STK32B: variants seen among roughly 807,000 people sequenced by gnomAD.
STK32B encodes the protein serine/threonine-protein kinase 32B.
A neutral mutation model predicts 52.6 loss-of-function variants in STK32B; 43 were observed. The observed-to-expected ratio is 0.82, with a 90% CI of 0.64 to 1.05. The LOEUF (loss-of-function observed/expected upper bound fraction) is 1.05, where lower values mean the gene tolerates loss of function less well. STK32B is among the 50% of genes least tolerant of loss of function. The pLI, the probability that STK32B is intolerant of heterozygous loss-of-function variation, is 0.00. For missense variants in STK32B, 621 were observed against 534.6 expected, an observed-to-expected ratio of 1.16 and a Z score of -1.59; for synonymous variants, 238 against 204.3, an observed-to-expected ratio of 1.17 and a Z score of -1.41.
At position 5,168,317 on chromosome 4, in the gene STK32B, C is replaced by A. The variant is rs749831897; in HGVS notation, c.127C>A (p.Arg43=). ...CGCTCAGGTATGCATCGTGCAGAAG[C>A]GAGACACTAAGAAAATGTATGCAAT... ...SFGKVCIVQK[R]DTKKMYAMKY... Residue 43 remains arginine (R), a synonymous_variant, in exon 3 of 12, where the codon CGA becomes AGA. Transcript: ENST00000282908. 1.4e-5 allele frequency: 22 copies of A among 1,613,572 alleles called. No homozygotes were observed. The highest frequency in any genetic ancestry group is 1.7e-5 in the Non-Finnish European group (20 of 1,179,892).
chr4:5,080,007 C>T (rs1712318752), intron 1 of STK32B, among the ~76,000 whole-genome samples: 1 of 151,630 alleles, frequency 6.6e-6, no homozygotes. Flanking sequence ...CAGACTTTCC[C>T]ATATAAGATC....
At chr4:5,189,090 C>T (rs1023644308) in intron 3 of STK32B, among the ~76,000 whole-genome samples, 1 of 152,128 alleles carries the variant, frequency 6.6e-6, no homozygotes, top group African/African-American at 2.4e-5. Context: ...CTGCTGCCCC[C>T]ACCCATGCAG....
intron 1 of STK32B, 25 bp from the exon 2 acceptor site, chr4:5,139,880 T>C: frequency 6.2e-7 from 1 of 1,614,140 alleles, no homozygotes; most frequent in Non-Finnish European, 8.5e-7. Flanking sequence ...ATCTGACTTG[T>C]TTCCTTTTTT....
intron 3 of STK32B, chr4:5,204,031 A>C (rs142703141): frequency 6.6e-6 from 1 of 152,284 alleles, no homozygotes; most frequent in African/African-American, 2.4e-5. Flanking sequence ...GATCAGGCTG[A>C]GGCTGGGTCT....
At chr4:5,448,858 AATTT>A (rs1201774167) in intron 7 of STK32B, among the ~76,000 whole-genome samples, 3 of 152,188 alleles carry the variant, frequency 2.0e-5, no homozygotes, top group African/African-American at 7.2e-5. Context: ...TTATGCAAAT[AATTT>A]ATTCTCTGTT....
chr4:5,448,931 A>T (rs1331560560), intron 7 of STK32B, among the ~76,000 whole-genome samples: 2 of 149,248 alleles, frequency 1.3e-5, no homozygotes, highest in Non-Finnish European at 2.9e-5. Flanking sequence ...ACTCATATTT[A>T]TCCATGGACT....
At chr4:5,226,694 G>A (rs898694512) in intron 3 of STK32B, among the ~76,000 whole-genome samples, 23 of 152,134 alleles carry the variant, frequency 1.5e-4, no homozygotes, top group African/African-American at 5.6e-4. Context: ...AGTGAAGTTG[G>A]CAATTTGGAT....
chr4:5,322,020 AAGTGGTGGG>A (rs796905525), intron 3 of STK32B, among the ~76,000 whole-genome samples: 2 of 122,428 alleles, frequency 1.6e-5, no homozygotes, highest in Non-Finnish European at 3.3e-5. Flanking sequence ...AAAAAAAAAA[AAGTGGTGGG>A]AGTGGGGGTG....
At chr4:5,359,409 CTCCA>C (rs1335470875) in intron 4 of STK32B, among the ~76,000 whole-genome samples, 2 of 150,746 alleles carry the variant, frequency 1.3e-5, no homozygotes, top group African/African-American at 2.4e-5. Flanking sequence ...CCCTCCCTCC[CTCCA>C]TCCACCTGTG....
chr4:5,372,401 G>T (rs1235152682), intron 4 of STK32B, among the ~76,000 whole-genome samples: 1 of 152,172 alleles, frequency 6.6e-6, no homozygotes, highest in Non-Finnish European at 1.5e-5. Context: ...TGATGGTGCT[G>T]TCATTCTTTT....
At chr4:5,135,515 A>G (rs1396556915) in intron 1 of STK32B, among the ~76,000 whole-genome samples, 1 of 152,230 alleles carries the variant, frequency 6.6e-6, no homozygotes, top group Non-Finnish European at 1.5e-5. Context: ...TCAGAAAAGA[A>G]TGTTTCTAGC....
At chr4:5,229,315 T>TG (rs1223931451) in intron 3 of STK32B, among the ~76,000 whole-genome samples, 3 of 152,076 alleles carry the variant, frequency 2.0e-5, no homozygotes, top group Admixed American at 1.3e-4. Flanking sequence ...ATGCACTGTT[T>TG]GGGTTATAGC....
chr4:5,463,260 C>T (rs1433076735), intron 9 of STK32B, among the ~76,000 whole-genome samples: 1 of 152,234 alleles, frequency 6.6e-6, no homozygotes, highest in Non-Finnish European at 1.5e-5. Flanking sequence ...GCACATCAGG[C>T]ACAAATTGCC....
intron 3 of STK32B, among the ~76,000 whole-genome samples, chr4:5,197,301 G>A (rs763402137): frequency 1.2e-4 from 18 of 152,190 alleles, no homozygotes; most frequent in Non-Finnish European, 2.4e-4. Flanking sequence ...GTGACTCTGT[G>A]CTAACTTGTC....
chr4:5,405,189 C>T (rs1737577021), intron 5 of STK32B, among the ~76,000 whole-genome samples: 1 of 151,848 alleles, frequency 6.6e-6, no homozygotes, highest in Non-Finnish European at 1.5e-5. Flanking sequence ...TAAGGGCTTC[C>T]TAGCACGGGA....
chr4:5,178,847 A>T (rs996058674), intron 3 of STK32B, among the ~76,000 whole-genome samples: 3 of 152,134 alleles, frequency 2.0e-5, no homozygotes, highest in Non-Finnish European at 4.4e-5. Context: ...GGCAAAACCA[A>T]CAAGTCTCTA....
At position 5,468,014 on chromosome 4, in the gene STK32B, C is replaced by T. The variant is rs2109168717; in HGVS notation, c.1050C>T (p.His350=). The change falls in exon 11 of 12, where the codon CAC becomes CAT. Residue 350 remains histidine, a synonymous_variant. Transcript: ENST00000282908. ...TCTGTGCTCTTTGACAGAATGGACA[C>T]CTGCAGCACTGTTTGGAGACTGTCC... ...GTKDSCPLNG[H]LQHCLETVRE... 1 of 1,614,170 alleles carries T rather than the reference C, an allele frequency of 6.2e-7. No individual in the cohort carries two copies. The highest frequency in any genetic ancestry group is 8.5e-7 in the Non-Finnish European group (1 of 1,180,008).
Position 5,453,509 on chromosome 4 carries a change from T to A in STK32B, c.667-3298T>A, listed in dbSNP as rs1244828936. 3.3e-5 allele frequency among the ~76,000 whole-genome samples: 5 copies of A among 152,176 alleles called. No individual in the cohort carries two copies. Among genetic ancestry groups the A allele is most frequent in the Admixed American group, 1.3e-4 (2 of 15,282 alleles). On this transcript the variant is annotated intron_variant, in intron 7 of 11. Transcript: ENST00000282908. This position sits in a 1 kb window ranked among gnomAD's most constrained non-coding sequence, Gnocchi z 4.0. The stretch of plus-strand genomic sequence containing the variant: ...AAATGAGGGATGAAGTGCCCCATCA[T>A]TGTCCAGGGTCTTTGCACCTCCTTT...
intron 3 of STK32B, among the ~76,000 whole-genome samples, chr4:5,190,154 A>G (rs548322214): frequency 6.6e-6 from 1 of 152,276 alleles, no homozygotes; most frequent in East Asian, 1.9e-4. Context: ...TAGCCTGTAC[A>G]TTGACTAAAA....
Sources: gnomAD v4.1 joint callset for allele counts (sites outside exome capture counted in the v4.1 genomes callset) on GRCh38, gnomAD v4.1.1 for gene constraint, Gnocchi (gnomAD v3.1) non-coding constraint, MANE v1.5 for transcripts, NCBI Gene and HGNC (gene_info 2026-07-23, HGNC 2026-07-21) for gene names.